CCAR2: variants seen among roughly 807,000 people sequenced by gnomAD.
The protein encoded by CCAR2 is cell cycle and apoptosis regulator 2.
CCAR2 carries 21 observed loss-of-function variants against 108.1 expected under a neutral mutation model. The observed-to-expected ratio is 0.19, with a 90% CI of 0.14 to 0.28. The LOEUF (loss-of-function observed/expected upper bound fraction) is 0.28. Among genes scored for constraint, CCAR2 ranks in the 10% least tolerant of loss-of-function variants. CCAR2 has a pLI of 1.00. For synonymous variants in CCAR2, 577 were observed against 472.8 expected (o/e 1.22, Z -2.86); for missense variants, 1,126 against 1,177.0 (o/e 0.96, Z 0.63).
In CCAR2 at chr8:22,616,541, G is replaced by T. The variant is rs929915661; in HGVS notation, c.1845+293G>T. ...GTTAACTAGAAAATTTTGTAGGCCG[G>T]GCGCTGTAGCTCACCCCTGTAATCC... On this transcript the variant is annotated intron_variant, in intron 14 of 20. Coordinates refer to ENST00000308511, the MANE Select transcript of CCAR2 (RefSeq NM_001393997.1). The T allele has an allele frequency of 3.9e-5, 17 of 440,244 alleles. No individual in the cohort carries two copies. In the Admixed American group the frequency reaches 6.0e-4, roughly 15 times the overall value. The allele number at this position is 440,244 out of a possible 1,614,324, so 27.3% of individuals were successfully genotyped here.
In CCAR2 at chr8:22,605,823, A is replaced by G. The variant is rs1350560312; in HGVS notation, c.50A>G (p.Asn17Ser). The G allele has an allele frequency of 1.4e-5, 23 of 1,613,954 alleles. No homozygotes were observed. In the East Asian group the frequency reaches 3.6e-4, roughly 25 times the overall value. The change falls in exon 2 of 21, where the codon AAC becomes AGC. Residue 17 changes from asparagine (N) to serine (S), a missense_variant. By Grantham distance (46) the Asn-to-Ser change is conservative. This residue lies in a region of CCAR2 where 52 missense variants were observed against 63.7 expected (regional missense o/e 0.82). Transcript: ENST00000308511. The stretch of plus-strand genomic sequence containing the variant: ...ATCAACCCGCTTCCAGGGGGACGCA[A>G]CTTCTCAGGTGATCACTGTTCTCCC... ...QRINPLPGGRNFSGTASTSLL... is the reference protein window; with the variant it reads ...QRINPLPGGRSFSGTASTSLL...
Position 22,614,434 on chromosome 8 carries a change from T to G in CCAR2, c.972T>G (p.Cys324Trp), listed in dbSNP as rs201028979. 10 of 1,614,104 alleles carry G rather than the reference T, an allele frequency of 6.2e-6. No individual in the cohort carries two copies. Among genetic ancestry groups the G allele is most frequent in the Non-Finnish European group, 8.5e-6 (10 of 1,180,050 alleles). Residue 324 changes from cysteine to tryptophan, a missense_variant, in exon 10 of 21, where the codon TGT becomes TGG. This residue lies in a region of CCAR2 where 1,013 missense variants were observed against 993.9 expected (regional missense o/e 1.02). Coordinates refer to ENST00000308511, the MANE Select transcript of CCAR2 (RefSeq NM_001393997.1). The part of the protein sequence containing the change: ...SSPGLEELYR[C>W]CMLFVDDMAE... ...CGGGGTTGGAGGAATTGTATCGTTG[T>G]TGCATGCTCTTTGTGGATGACATGG... is the stretch of plus-strand genomic sequence containing the variant.
rs753300118 is a variant in CCAR2 at position 22,614,283 on chromosome 8, C to T, written c.896C>T (p.Thr299Ile). ...AAPDAGAEPI[T>I]ADSDPAYSSK... is the part of the protein sequence containing the mutation. ...CCAGACGCTGGTGCTGAGCCCATCA[C>T]TGCAGACAGTGACCCCGCTTATAGT... The change falls in exon 9 of 21, where the codon ACT becomes ATT. Residue 299 changes from threonine (T) to isoleucine (I), a missense_variant. Thr to Ile is a moderately conservative substitution (Grantham distance 89). Transcript: ENST00000308511. 5.6e-6 allele frequency: 9 copies of T among 1,614,010 alleles called. No individual in the cohort carries two copies. The Admixed American group carries it at 6.7e-5, about 12-fold the overall frequency.
rs201923494 is a variant in CCAR2, at chr8:22,614,392, A to G, written c.930A>G (p.Val310=). 1.5e-5 allele frequency: 25 copies of G among 1,614,032 alleles called. No homozygotes were observed. The highest frequency in any genetic ancestry group is 2.7e-5 in the African/African-American group (2 of 74,942). The stretch of plus-strand genomic sequence containing the variant: ...TCTGAGTGTCTCCTCCTGCACAGGT[A>G]CTGCTGCTCTCTTCCCCGGGGTTGG... ...ADSDPAYSSK[V]LLLSSPGLEE... is the part of the protein sequence containing the mutation. The change falls in exon 10 of 21, where the codon GTA becomes GTG. Residue 310 remains valine, a splice_region_variant and synonymous_variant. Coordinates refer to ENST00000308511, the MANE Select transcript of CCAR2 (RefSeq NM_001393997.1).
intron 7 of CCAR2, among the ~76,000 whole-genome samples, chr8:22,609,083 C>CT (rs35098205): frequency 1.1e-4 from 16 of 143,186 alleles, no homozygotes; most frequent in East Asian, 8.1e-4. Context: ...CAAGGGCTTG[C>CT]TCCGTCACCC....
At chr8:22,616,843 A>ACCTTTTCTAAAATACTAGTCTGCTT (rs1801531433) in intron 14 of CCAR2, among the ~76,000 whole-genome samples, 5 of 137,794 alleles carry the variant, frequency 3.6e-5, no homozygotes, top group African/African-American at 5.3e-5. Context: ...AGATTTGTAA[A>ACCTTTTCTAAAATACTAGTCTGCTT]CCTTTTCTAA....
At chr8:22,612,885 C>A (rs914932988) in intron 7 of CCAR2, 132 bp from the exon 8 acceptor site, 1 of 931,756 alleles carries the variant, frequency 1.1e-6, no homozygotes, top group Non-Finnish European at 1.6e-6. Flanking sequence ...TGTCATATGG[C>A]TGTTAGCATG....
chr8:22,616,439 G>A, intron 14 of CCAR2, 191 bp downstream of exon 14: 1 of 606,240 alleles, frequency 1.6e-6, no homozygotes. Flanking sequence ...CAGGGAGCAT[G>A]GCTGAGCAGC....
chr8:22,612,789 T>C (rs1355749705), intron 7 of CCAR2: 5 of 412,258 alleles, frequency 1.2e-5, no homozygotes, highest in Admixed American at 4.4e-5. Flanking sequence ...GCCTACTGTG[T>C]ATACAATGTT....
intron 7 of CCAR2, among the ~76,000 whole-genome samples, chr8:22,609,754 AC>A (rs1281160699): frequency 6.6e-6 from 1 of 152,080 alleles, no homozygotes; most frequent in African/African-American, 2.4e-5. Context: ...ACTGCCGTGG[AC>A]TTTCTGCTTT....
chr8:22,614,506 A>AAG lies in CCAR2; in HGVS notation c.1041+6_1041+7dup, dbSNP rs781595879. 5.0e-6 allele frequency: 8 copies of AAG among 1,612,856 alleles called. No homozygotes were observed. Among genetic ancestry groups the AAG allele is most frequent in the Non-Finnish European group, 6.8e-6 (8 of 1,179,036 alleles). ...AGCATCCTCTGAAGCAGATTAAGGTAAGAGCTGGAGAGCAGGAGGAGATGC... is the reference window on the plus strand; with the variant it reads ...AGCATCCTCTGAAGCAGATTAAGGTAAGAGAGCTGGAGAGCAGGAGGAGATGC... On this transcript the variant is annotated splice_donor_region_variant and intron_variant, in intron 10 of 20. Coordinates refer to ENST00000308511, the MANE Select transcript of CCAR2 (RefSeq NM_001393997.1).
downstream of CCAR2, chr8:22,620,908 T>C (rs117753515): frequency 7.8e-5 from 12 of 152,914 alleles, no homozygotes; most frequent in East Asian, 1.9e-4. Context: ...AGGGTGCCCT[T>C]TGTCTTGCTG....
At position 22,607,342 on chromosome 8, in the gene CCAR2, C is replaced by A; in HGVS notation, c.487+17C>A. The A allele has an allele frequency of 6.2e-7, 1 of 1,607,726 alleles. No individual in the cohort carries two copies. Among genetic ancestry groups the A allele is most frequent in the Non-Finnish European group, 8.5e-7 (1 of 1,179,872 alleles). On this transcript the variant is annotated intron_variant, in intron 6 of 20. Transcript: ENST00000308511. ...CTCAGAAGCGTGAGTACGAGTGGCA[C>A]TGTTGTTGGGTGTGGCATTATGGGG...
At chr8:22,617,274 A>G (rs1801561709) in intron 14 of CCAR2, 146 bp from the exon 15 acceptor site, 3 of 948,936 alleles carry the variant, frequency 3.2e-6, no homozygotes, top group Non-Finnish European at 4.4e-6. Context: ...ACTTAATGAA[A>G]TTAAATACAT....
rs1361457292 is a variant in CCAR2, at chr8:22,611,380, G to GTA, written c.585-1629_585-1628dup. Among the ~76,000 whole-genome samples the GTA allele has an allele frequency of 9.2e-4, 85 of 92,420 alleles. 1 individual carries two copies. The highest frequency in any genetic ancestry group is 2.8e-3 in the South Asian group (9 of 3,166). 60.6% of individuals were successfully genotyped at this position (92,420 alleles called of 152,430 possible). On this transcript the variant is annotated intron_variant, in intron 7 of 20. Coordinates refer to ENST00000308511, the MANE Select transcript of CCAR2 (RefSeq NM_001393997.1). ...TGTCTCAAAAAAAAAAAAAAAAAAAGTATATATATGTGTGTGTGTGTGTGT... is the reference window on the plus strand; with the variant it reads ...TGTCTCAAAAAAAAAAAAAAAAAAAGTATATATATATGTGTGTGTGTGTGTGT...
At chr8:22,614,635 C>T (rs1297703498) in intron 10 of CCAR2, 132 bp downstream of exon 10, 2 of 1,056,454 alleles carry the variant, frequency 1.9e-6, no homozygotes, top group East Asian at 2.5e-5. Context: ...TCATTTCACC[C>T]AGGAGGAAGG....
chr8:22,611,407 T>TGTGTGTGTGTGTGTA (rs1430978938), intron 7 of CCAR2, among the ~76,000 whole-genome samples: 15 of 105,782 alleles, frequency 1.4e-4, no homozygotes, highest in African/African-American at 5.1e-4. Context: ...TGTGTGTGTA[T>TGTGTGTGTGTGTGTA]GTGTGTGTAT....
chr8:22,618,085 G>A, intron 16 of CCAR2: 1 of 595,498 alleles, frequency 1.7e-6, no homozygotes, highest in Non-Finnish European at 3.0e-6. Flanking sequence ...GGTGCTTGAT[G>A]TTTTGTTTTT....
At chr8:22,618,780 C>T (rs199531180) in intron 18 of CCAR2, 47 bp from the exon 19 acceptor site, 16 of 1,613,172 alleles carry the variant, frequency 9.9e-6, no homozygotes, top group Non-Finnish European at 1.2e-5. Flanking sequence ...GGCAGGCTGC[C>T]CTCTCTGGAG....
Sources: allele counts gnomAD v4.1 joint callset (sites outside exome capture counted in the v4.1 genomes callset), GRCh38; gene constraint gnomAD v4.1.1; regional missense constraint gnomAD v4.1.1; transcripts MANE v1.5; gene names NCBI Gene and HGNC (gene_info 2026-07-23, HGNC 2026-07-21).